CDC27: variants seen among roughly 807,000 people sequenced by gnomAD.
CDC27 encodes cell division cycle protein 27 homolog.
Under a neutral mutation model 109.7 loss-of-function variants are expected in CDC27, and 27 were observed. The observed-to-expected ratio is 0.25, with a 90% CI of 0.18 to 0.34. CDC27 has a LOEUF of 0.34. Ranked by LOEUF, CDC27 falls within the 10% of genes least tolerant of loss-of-function variation. The probability of loss-of-function intolerance (pLI) is 1.00; values close to 1 mark genes in which losing one functional copy is unlikely to be tolerated. For synonymous variants in CDC27, 266 were observed against 333.9 expected (o/e 0.80, Z 2.22); for missense variants, 579 against 960.2 (o/e 0.60, Z 5.25).
intron 2 of CDC27, among the ~76,000 whole-genome samples, chr17:47,178,479 G>A (rs2064099442): frequency 6.7e-6 from 1 of 150,262 alleles, no homozygotes; most frequent in East Asian, 1.9e-4. Flanking sequence ...AGGCTGAAGT[G>A]AGAAAAGATC....
chr17:47,144,912 A>G (rs1230365754), intron 9 of CDC27, among the ~76,000 whole-genome samples: 1 of 144,844 alleles, frequency 6.9e-6, no homozygotes, highest in African/African-American at 2.5e-5. Context: ...TTTAATCTGC[A>G]TCTGATAAAC....
chr17:47,138,914 G>A (rs1341380032), intron 12 of CDC27, 23 bp from the exon 13 acceptor site: 2 of 1,493,684 alleles, frequency 1.3e-6, no homozygotes, highest in Admixed American at 2.1e-5. Flanking sequence ...AAACTAGTAA[G>A]AGAAAACAAG....
chr17:47,188,476 A>G (rs2064534272), intron 1 of CDC27, among the ~76,000 whole-genome samples: 1 of 152,000 alleles, frequency 6.6e-6, no homozygotes, highest in Admixed American at 6.6e-5. Flanking sequence ...GCACAACAAA[A>G]TGCTCCTGAT....
chr17:47,133,031 A>ATATG (rs2062419782), intron 14 of CDC27, among the ~76,000 whole-genome samples: 1 of 40,710 alleles, frequency 2.5e-5, no homozygotes, highest in African/African-American at 6.7e-5. Context: ...ATATATATAC[A>ATATG]CACACACACA....
At chr17:47,143,253 T>G (rs2062853728) in intron 10 of CDC27, among the ~76,000 whole-genome samples, 2 of 152,198 alleles carry the variant, frequency 1.3e-5, no homozygotes, top group African/African-American at 4.8e-5. Context: ...CGTGAGCCAC[T>G]GCGTCCGCCG....
At chr17:47,136,461 T>C (rs1346071924) in intron 14 of CDC27, among the ~76,000 whole-genome samples, 3 of 152,328 alleles carry the variant, frequency 2.0e-5, no homozygotes, top group East Asian at 1.9e-4. Flanking sequence ...CACAGAGTTA[T>C]GGCTTCAGAA....
chr17:47,152,070 T>A (rs937054919), intron 8 of CDC27, 152 bp from the exon 9 acceptor site: 4 of 506,632 alleles, frequency 7.9e-6, no homozygotes, highest in African/African-American at 2.0e-5. Context: ...ATATTGTTAA[T>A]TATTGTTGTA....
chr17:47,137,022 T>C (rs2062626556), intron 14 of CDC27, 130 bp downstream of exon 14: 1 of 435,826 alleles, frequency 2.3e-6, no homozygotes, highest in Non-Finnish European at 4.0e-6. Flanking sequence ...TTAGAAGTTA[T>C]TGACCAGTAT....
chr17:47,181,428 G>T, intron 2 of CDC27, 134 bp downstream of exon 2: 1 of 500,556 alleles, frequency 2.0e-6, no homozygotes, highest in East Asian at 3.1e-5. Flanking sequence ...AAAAAGTAAA[G>T]ATTTTATGAA....
chr17:47,133,106 CATAT>C (rs55717332), intron 14 of CDC27, among the ~76,000 whole-genome samples: 29,011 of 97,280 alleles, frequency 0.3, 4,668 homozygotes, highest in Non-Finnish European at 0.34. Flanking sequence ...CACAAATATA[CATAT>C]ATATATATAT....
chr17:47,162,192 G>A (rs952375436), intron 4 of CDC27: 1 of 152,130 alleles, frequency 6.6e-6, no homozygotes, highest in Non-Finnish European at 1.5e-5. Context: ...GACCTTCACA[G>A]CCAATCAGCA....
At chr17:47,176,255 T>C (rs929252628) in intron 2 of CDC27, among the ~76,000 whole-genome samples, 6 of 152,298 alleles carry the variant, frequency 3.9e-5, no homozygotes, top group African/African-American at 1.4e-4. Context: ...CTGTTTTCAA[T>C]TGTATGGAGG....
intron 4 of CDC27, among the ~76,000 whole-genome samples, chr17:47,168,178 T>A (rs1248776190): frequency 1.3e-5 from 2 of 152,124 alleles, no homozygotes; most frequent in East Asian, 1.9e-4. Flanking sequence ...TTGGTGATAA[T>A]CTTATCACCA....
chr17:47,129,817 T>TATG (rs1286711876), intron 15 of CDC27, among the ~76,000 whole-genome samples: 1 of 152,208 alleles, frequency 6.6e-6, no homozygotes, highest in Non-Finnish European at 1.5e-5. Context: ...GGTACATACC[T>TATG]ATGATGATAA....
At chr17:47,164,073 T>C (rs1430373052) in intron 4 of CDC27, among the ~76,000 whole-genome samples, 2 of 152,124 alleles carry the variant, frequency 1.3e-5, no homozygotes, top group African/African-American at 4.8e-5. Context: ...CCCCATAAGA[T>C]TATAATGCCA....
chr17:47,170,922 G>A (rs1047173624), intron 3 of CDC27: 1 of 152,142 alleles, frequency 6.6e-6, no homozygotes, highest in African/African-American at 2.4e-5. Flanking sequence ...GCAACATAGT[G>A]AGACCCCATC....
intron 9 of CDC27, among the ~76,000 whole-genome samples, chr17:47,147,682 C>T (rs746397050): frequency 6.6e-6 from 1 of 151,926 alleles, no homozygotes; most frequent in East Asian, 1.9e-4. Context: ...TCTGCCTGGA[C>T]AACATAGCAA....
intron 16 of CDC27, among the ~76,000 whole-genome samples, chr17:47,125,390 G>T (rs1455472380): frequency 1.3e-5 from 2 of 151,454 alleles, no homozygotes; most frequent in Admixed American, 6.6e-5. Context: ...GGAATTACAG[G>T]CGTGTGCCAC....
chr17:47,167,397 C>A (rs113412341), intron 4 of CDC27, among the ~76,000 whole-genome samples: 7 of 152,268 alleles, frequency 4.6e-5, no homozygotes, highest in African/African-American at 1.7e-4. Flanking sequence ...GTTTGTACAT[C>A]ACTCCTCTCA....
Sources: gnomAD v4.1 joint callset for allele counts (sites outside exome capture counted in the v4.1 genomes callset) on GRCh38, gnomAD v4.1.1 for gene constraint, MANE v1.5 for transcripts, NCBI Gene and HGNC (gene_info 2026-07-23, HGNC 2026-07-21) for gene names.